The following SRD5A2 variants were observed in gnomAD, a reference collection of about 807,000 sequenced individuals.
The protein encoded by SRD5A2 is 3-oxo-5-alpha-steroid 4-dehydrogenase 2.
Under a neutral mutation model 27.4 loss-of-function variants are expected in SRD5A2, and 30 were observed. The ratio of observed to expected loss-of-function variants is 1.10; its 90% CI spans 0.82 to 1.49. The LOEUF is 1.49. Among genes scored for constraint, SRD5A2 ranks in the 40% most tolerant of loss-of-function variants. The pLI is 0.00. For synonymous variants in SRD5A2, 141 were observed against 133.6 expected (o/e 1.06, Z -0.38); for missense variants, 348 against 323.4 (o/e 1.08, Z -0.58).
the SRD5A2 span, among the ~76,000 whole-genome samples, chr2:31,643,827 A>G: frequency 6.6e-6 from 1 of 152,230 alleles, no homozygotes; most frequent in African/African-American, 2.4e-5. Context: ...GTCCATGCTG[A>G]TATGAATACA....
At chr2:31,557,734 C>A (rs918063218) in intron 1 of SRD5A2, among the ~76,000 whole-genome samples, 1 of 152,140 alleles carries the variant, frequency 6.6e-6, no homozygotes, top group Non-Finnish European at 1.5e-5. Context: ...AGTACAGCAC[C>A]CTGGGGGCTC....
intron 1 of SRD5A2, among the ~76,000 whole-genome samples, chr2:31,536,921 TAG>T (rs1343592348): frequency 3.3e-5 from 5 of 152,232 alleles, no homozygotes; most frequent in Non-Finnish European, 7.3e-5. Flanking sequence ...TTTGTTCTTA[TAG>T]AGAGACTGAT....
At chr2:31,625,435 C>T in the SRD5A2 span, among the ~76,000 whole-genome samples, 1 of 152,152 alleles carries the variant, frequency 6.6e-6, no homozygotes, top group Non-Finnish European at 1.5e-5. Context: ...AGTACTTGCC[C>T]ATACCTATGT....
chr2:31,531,263 A>C, intron 3 of SRD5A2, 108 bp downstream of exon 3: 1 of 731,226 alleles, frequency 1.4e-6, no homozygotes, highest in Non-Finnish European at 2.3e-6. Flanking sequence ...GCTGAGAGGT[A>C]TTGTATCATT....
upstream of SRD5A2, among the ~76,000 whole-genome samples, chr2:31,581,940 G>A (rs906141594): frequency 5.3e-5 from 8 of 152,168 alleles, no homozygotes; most frequent in African/African-American, 1.2e-4. Flanking sequence ...TACCTCTTCC[G>A]TTCTATGATT....
rs185616966 is a variant in SRD5A2 at position 31,568,314 on chromosome 2, G to A, written c.281+12306C>T. Reference sequence around the variant, plus strand: ...TTGTGTTACAGCTCTTTCAGTCCCCGCATTCAGCAGGTCCTGATTTCTTGT... The same window carrying A: ...TTGTGTTACAGCTCTTTCAGTCCCCACATTCAGCAGGTCCTGATTTCTTGT... On this transcript the variant is annotated intron_variant, in intron 1 of 4. Transcript: ENST00000622030. Among the ~76,000 whole-genome samples the A allele has an allele frequency of 1.9e-4, 29 of 152,268 alleles. No individual in the cohort carries two copies. In the East Asian group the frequency reaches 4.7e-3, roughly 24 times the overall value.
chr2:31,576,189 T>C (rs1183066015), intron 1 of SRD5A2, among the ~76,000 whole-genome samples: 1 of 123,168 alleles, frequency 8.1e-6, no homozygotes, highest in Non-Finnish European at 1.7e-5. Flanking sequence ...CAAAAGAAAC[T>C]ACCATCAGAG....
At chr2:31,589,860 T>C in the SRD5A2 span, among the ~76,000 whole-genome samples, 18 of 152,192 alleles carry the variant, frequency 1.2e-4, no homozygotes, top group East Asian at 3.5e-3. Flanking sequence ...GGAAGGATTG[T>C]AGCCTGGGGA....
At chr2:31,599,160 C>T in the SRD5A2 span, among the ~76,000 whole-genome samples, 2 of 151,880 alleles carry the variant, frequency 1.3e-5, no homozygotes, top group Non-Finnish European at 2.9e-5. Flanking sequence ...CATCCAGATA[C>T]ATAAAGAAAA....
intron 1 of SRD5A2, among the ~76,000 whole-genome samples, chr2:31,539,487 C>A (rs1325638468): frequency 6.6e-6 from 1 of 152,200 alleles, no homozygotes; most frequent in Non-Finnish European, 1.5e-5. Context: ...TTCCCCCTTA[C>A]CAAGCTGTTA....
At chr2:31,564,442 C>G (rs1666687907) in intron 1 of SRD5A2, among the ~76,000 whole-genome samples, 1 of 151,584 alleles carries the variant, frequency 6.6e-6, no homozygotes, top group Non-Finnish European at 1.5e-5. Context: ...ACATGTAGGT[C>G]TCATAGATAT....
chr2:31,580,678 G>C lies in SRD5A2; in HGVS notation c.223C>G (p.Leu75Val). Residue 75 changes from leucine (L) to valine (V), a missense_variant, in exon 1 of 5, where the codon CTC becomes GTC. By Grantham distance (32) the Leu-to-Val change is conservative. Coordinates refer to ENST00000622030, the MANE Select transcript of SRD5A2 (RefSeq NM_000348.4). Reference protein sequence around the residue: ...AGILARQPLSLFGPPGTVLLG... With the variant: ...AGILARQPLSVFGPPGTVLLG... ...AGTACCGTCCCAGGTGGCCCGAAGA[G>C]GGAGAGGGGCTGCCGGGCGAGGATC... 1 of 1,598,306 alleles carries C rather than the reference G, an allele frequency of 6.3e-7. No individual in the cohort carries two copies. The highest frequency in any genetic ancestry group is 8.5e-7 in the Non-Finnish European group (1 of 1,177,722).
chr2:31,542,939 C>T (rs1418120063), intron 1 of SRD5A2, among the ~76,000 whole-genome samples: 1 of 152,056 alleles, frequency 6.6e-6, no homozygotes, highest in African/African-American at 2.4e-5. Context: ...CATAAACCTC[C>T]AAGAAGCTCA....
chr2:31,617,442 G>T, the SRD5A2 span, among the ~76,000 whole-genome samples: 10 of 152,278 alleles, frequency 6.6e-5, no homozygotes, highest in Non-Finnish European at 1.3e-4. Flanking sequence ...TTTCCCCATT[G>T]TCTTGGAGAT....
At chr2:31,572,146 G>C (rs748680446) in intron 1 of SRD5A2, among the ~76,000 whole-genome samples, 2 of 152,194 alleles carry the variant, frequency 1.3e-5, no homozygotes, top group African/African-American at 2.4e-5. Context: ...ATATTATGCA[G>C]CCATGAAAAA....
the SRD5A2 span, among the ~76,000 whole-genome samples, chr2:31,590,934 T>C: frequency 2.0e-5 from 3 of 152,122 alleles, no homozygotes; most frequent in Non-Finnish European, 2.9e-5. Flanking sequence ...CAAAAATTAA[T>C]TCAAGATGGA....
chr2:31,575,209 T>C (rs756312192), intron 1 of SRD5A2, among the ~76,000 whole-genome samples: 1 of 152,092 alleles, frequency 6.6e-6, no homozygotes, highest in Non-Finnish European at 1.5e-5. Context: ...AGCAGATGAG[T>C]AGTTTCCTTA....
the SRD5A2 span, among the ~76,000 whole-genome samples, chr2:31,640,046 T>C: frequency 6.6e-6 from 1 of 152,068 alleles, no homozygotes; most frequent in Non-Finnish European, 1.5e-5. Context: ...TTCTTTCTTC[T>C]TTTTTCTTCT....
chr2:31,661,342 T>C, the SRD5A2 span, among the ~76,000 whole-genome samples: 1 of 152,128 alleles, frequency 6.6e-6, no homozygotes, highest in Non-Finnish European at 1.5e-5. Context: ...AGGTGTTCAA[T>C]TTCCACAAGA....
Sources: gnomAD v4.1 joint callset for allele counts (sites outside exome capture counted in the v4.1 genomes callset) on GRCh38, gnomAD v4.1.1 for gene constraint, MANE v1.5 for transcripts, NCBI Gene and HGNC (gene_info 2026-07-23, HGNC 2026-07-21) for gene names.